The following SLC39A11 variants were observed in gnomAD, a reference collection of about 807,000 sequenced individuals.
SLC39A11 encodes solute carrier family 39 member 11, also known as zinc transporter ZIP11.
Under a neutral mutation model 36.1 loss-of-function variants are expected in SLC39A11, and 33 were observed. That is an observed-to-expected ratio of 0.91 (90% CI 0.69 to 1.22). SLC39A11 has a LOEUF of 1.22. Among genes scored for constraint, SLC39A11 ranks in the 50% most tolerant of loss-of-function variants. The pLI is 0.00. For missense variants in SLC39A11, 432 were observed against 430.3 expected (o/e 1.00, Z -0.03); for synonymous variants, 166 against 170.3 (o/e 0.97, Z 0.20).
intron 3 of SLC39A11, among the ~76,000 whole-genome samples, chr17:73,074,422 C>T (rs2060256616): frequency 6.6e-6 from 1 of 151,702 alleles, no homozygotes; most frequent in African/African-American, 2.4e-5. Context: ...CTCAGCCTCC[C>T]GAGTAGCTGG....
chr17:72,837,442 T>C (rs753884851), intron 6 of SLC39A11, among the ~76,000 whole-genome samples: 1 of 150,426 alleles, frequency 6.6e-6, no homozygotes, highest in Non-Finnish European at 1.5e-5. Context: ...ATTATCCCTT[T>C]GTGTCAAAGG....
At chr17:72,983,244 G>A (rs867523701) in intron 4 of SLC39A11, among the ~76,000 whole-genome samples, 2 of 151,984 alleles carry the variant, frequency 1.3e-5, no homozygotes, top group African/African-American at 4.8e-5. Flanking sequence ...CCACCTCCCA[G>A]GTTCAAGCGA....
chr17:72,997,590 A>T (rs1472290032), intron 4 of SLC39A11, among the ~76,000 whole-genome samples: 1 of 152,192 alleles, frequency 6.6e-6, no homozygotes, highest in Admixed American at 6.5e-5. Context: ...TGCTTTCCAC[A>T]TTCCCAAACT....
At chr17:72,705,053 G>A (rs1018283320) in intron 7 of SLC39A11, among the ~76,000 whole-genome samples, 1 of 152,216 alleles carries the variant, frequency 6.6e-6, no homozygotes, top group Non-Finnish European at 1.5e-5. Context: ...GAGACCTGAT[G>A]ATATAATTTG....
intron 5 of SLC39A11, among the ~76,000 whole-genome samples, chr17:72,878,079 T>C (rs1446050271): frequency 1.3e-5 from 2 of 150,970 alleles, no homozygotes; most frequent in Non-Finnish European, 2.9e-5. Flanking sequence ...GTTTGGTTTT[T>C]TGTCCTTGCG....
At chr17:72,694,396 C>T (rs2072188715) in intron 7 of SLC39A11, among the ~76,000 whole-genome samples, 2 of 152,246 alleles carry the variant, frequency 1.3e-5, no homozygotes, top group Non-Finnish European at 2.9e-5. Context: ...TGGTACCCAT[C>T]GTGGCTTCCT....
chr17:72,934,596 G>A (rs1459256299), intron 5 of SLC39A11, among the ~76,000 whole-genome samples: 7 of 152,142 alleles, frequency 4.6e-5, no homozygotes, highest in Non-Finnish European at 1.0e-4. Flanking sequence ...AACCTGGGAC[G>A]CGGAGGTTGC....
At chr17:72,807,107 C>G (rs2077280457) in intron 6 of SLC39A11, among the ~76,000 whole-genome samples, 1 of 152,190 alleles carries the variant, frequency 6.6e-6, no homozygotes, top group African/African-American at 2.4e-5. Context: ...AGAGCTCCTT[C>G]TTAATCTAAT....
At chr17:72,763,907 A>G (rs112831993) in intron 6 of SLC39A11, among the ~76,000 whole-genome samples, 7 of 152,136 alleles carry the variant, frequency 4.6e-5, no homozygotes, top group Non-Finnish European at 7.4e-5. Flanking sequence ...AGATGAACCC[A>G]GCTCACCTGC....
At chr17:73,034,544 C>A (rs977449712) in intron 3 of SLC39A11, among the ~76,000 whole-genome samples, 1 of 152,154 alleles carries the variant, frequency 6.6e-6, no homozygotes, top group African/African-American at 2.4e-5. Flanking sequence ...TTAAACCTGA[C>A]CTGTGCAGCA....
chr17:72,798,663 G>C (rs964968203), intron 6 of SLC39A11, among the ~76,000 whole-genome samples: 2 of 151,872 alleles, frequency 1.3e-5, no homozygotes, highest in African/African-American at 4.8e-5. Flanking sequence ...GGGATTACAG[G>C]CATGAACCAC....
chr17:72,885,619 C>T (rs925164640), intron 5 of SLC39A11, among the ~76,000 whole-genome samples: 1 of 152,144 alleles, frequency 6.6e-6, no homozygotes, highest in Non-Finnish European at 1.5e-5. Context: ...TGTTGAACCA[C>T]CTGCCTGCTA....
chr17:72,729,405 TTATATATATATA>T (rs1162603035), intron 7 of SLC39A11, among the ~76,000 whole-genome samples: 36 of 29,220 alleles, frequency 1.2e-3, no homozygotes, highest in South Asian at 1.9e-3. Flanking sequence ...ACCTGGCTAT[TTATATATATATA>T]TATATATATA....
intron 2 of SLC39A11, among the ~76,000 whole-genome samples, chr17:73,085,642 CA>C (rs35729985): frequency 0.37 from 37,237 of 101,814 alleles, 4,989 homozygotes; most frequent in South Asian, 0.44. Context: ...AACTCCGCCT[CA>C]AAAAAAAAAA....
chr17:73,025,905 G>A (rs2058519502), intron 4 of SLC39A11, among the ~76,000 whole-genome samples: 1 of 152,112 alleles, frequency 6.6e-6, no homozygotes, highest in Admixed American at 6.6e-5. Context: ...CCTGCCTGAG[G>A]TCAGGAGTTT....
At chr17:72,709,716 C>G (rs1353002362) in intron 7 of SLC39A11, among the ~76,000 whole-genome samples, 3 of 152,040 alleles carry the variant, frequency 2.0e-5, no homozygotes, top group Admixed American at 1.3e-4. Flanking sequence ...TTTCTTGCCC[C>G]TATTTCCTGT....
At chr17:72,758,446 C>T (rs886845911) in intron 6 of SLC39A11, among the ~76,000 whole-genome samples, 1 of 152,156 alleles carries the variant, frequency 6.6e-6, no homozygotes, top group African/African-American at 2.4e-5. Flanking sequence ...TGAAATGTGC[C>T]TGGATAAAAA....
chr17:72,736,666 T>C lies in SLC39A11; in HGVS notation c.655A>G (p.Thr219Ala), dbSNP rs754053495. Residue 219 changes from threonine to alanine, a missense_variant, in exon 7 of 10, where the codon ACC becomes GCC. By Grantham distance (58) the Thr-to-Ala change is moderately conservative. Transcript: ENST00000255559. ...CTGGCTTACCTGGCACTCTCAAAGG[T>C]AGCAGATGCCGTCTTTTCTATAGCC... is the stretch of plus-strand genomic sequence containing the variant. ...FGAIEKTASA[T>A]FESARNLAIG... 2.5e-6 allele frequency: 4 copies of C among 1,613,882 alleles called. No homozygotes were observed. Among genetic ancestry groups the C allele is most frequent in the Non-Finnish European group, 2.5e-6 (3 of 1,179,960 alleles).
chr17:72,771,845 C>A (rs1078545), intron 6 of SLC39A11, among the ~76,000 whole-genome samples: 16,460 of 152,130 alleles, frequency 0.11, 1,187 homozygotes, highest in African/African-American at 0.21. Flanking sequence ...AACCAGTGAT[C>A]GGCAAAAGAA....
Sources: allele counts gnomAD v4.1 joint callset (sites outside exome capture counted in the v4.1 genomes callset), GRCh38; gene constraint gnomAD v4.1.1; transcripts MANE v1.5; gene names NCBI Gene and HGNC (gene_info 2026-07-23, HGNC 2026-07-21).